The following HRH1 variants were observed in gnomAD, a reference collection of about 807,000 sequenced individuals.
HRH1 encodes the protein histamine H1 receptor.
In HRH1, 6 loss-of-function variants were observed where a neutral mutation model predicts 10.3. That is an observed-to-expected ratio of 0.58 (90% CI 0.32 to 1.15). HRH1 has a LOEUF of 1.15. Among genes scored for constraint, HRH1 ranks in the 50% most tolerant of loss-of-function variants. The pLI is 0.05. For missense variants in HRH1, 514 were observed against 615.3 expected (o/e 0.84, Z 1.74); for synonymous variants, 242 against 236.7 (o/e 1.02, Z -0.21).
At chr3:11,172,720 T>TTTTTTTTTTTA (rs58975059) in intron 1 of HRH1, among the ~76,000 whole-genome samples, 2 of 148,166 alleles carry the variant, frequency 1.3e-5, no homozygotes, top group African/African-American at 2.6e-5. Context: ...TTTTTTTTTT[T>TTTTTTTTTTTA]GAGATGGAGT....
chr3:11,246,815 G>T (rs371859374), intron 1 of HRH1, among the ~76,000 whole-genome samples: 68 of 152,158 alleles, frequency 4.5e-4, no homozygotes, highest in African/African-American at 1.6e-3. Context: ...GGAGGCTTAG[G>T]AGGGCAGATG....
intron 1 of HRH1, among the ~76,000 whole-genome samples, chr3:11,184,965 G>A (rs112902658): frequency 0.012 from 1,781 of 151,300 alleles, 15 homozygotes; most frequent in Non-Finnish European, 0.019. Context: ...AGGCTCAGTG[G>A]ACATGGGGTT....
chr3:11,254,281 T>C (rs559338466), intron 1 of HRH1, among the ~76,000 whole-genome samples: 208 of 152,288 alleles, frequency 1.4e-3, no homozygotes, highest in African/African-American at 4.8e-3. Flanking sequence ...GCTTTATCCT[T>C]CTCCATATGC....
intron 1 of HRH1, among the ~76,000 whole-genome samples, chr3:11,201,830 G>A (rs1461598865): frequency 6.6e-6 from 1 of 152,200 alleles, no homozygotes; most frequent in Non-Finnish European, 1.5e-5. Flanking sequence ...GCCCCTCTCT[G>A]TGAAGTCCAG....
At chr3:11,149,805 T>G (rs1936560606), upstream of HRH1, among the ~76,000 whole-genome samples, 1 of 152,232 alleles carries the variant, frequency 6.6e-6, no homozygotes, top group South Asian at 2.1e-4. Context: ...GCTCAAAGAC[T>G]GTATCCATAC....
intron 1 of HRH1, among the ~76,000 whole-genome samples, chr3:11,191,456 G>A (rs1046284166): frequency 6.6e-6 from 1 of 152,164 alleles, no homozygotes; most frequent in Non-Finnish European, 1.5e-5. Flanking sequence ...GGAGCTTCAG[G>A]TGTTAGTGGA....
rs544549153 is a variant in HRH1 at position 11,146,283 on chromosome 3, T to C, written c.-36+8884T>C. On this transcript the variant is annotated intron_variant, in intron 1 of 1. Coordinates refer to the HRH1 transcript ENST00000438284. ...CATGGAAGGAGGTCATTGGGGTTAA[T>C]TTTCATTCTTGATGATTTCTGTTAC... is the stretch of plus-strand genomic sequence containing the variant. Among the ~76,000 whole-genome samples the C allele has an allele frequency of 4.9e-4, 75 of 152,324 alleles. 1 individual carries two copies. Among genetic ancestry groups the C allele is most frequent in the East Asian group, 2.5e-3 (13 of 5,188 alleles).
intron 1 of HRH1, among the ~76,000 whole-genome samples, chr3:11,210,477 A>C (rs1441680320): frequency 6.6e-6 from 1 of 152,162 alleles, no homozygotes; most frequent in Non-Finnish European, 1.5e-5. Context: ...GTGTACACCC[A>C]GTACATAGTA....
intron 1 of HRH1, among the ~76,000 whole-genome samples, chr3:11,167,290 A>G (rs1937063763): frequency 6.9e-6 from 1 of 145,422 alleles, no homozygotes; most frequent in Non-Finnish European, 1.5e-5. Flanking sequence ...TGCATTCTCC[A>G]GGCCCGTGAC....
chr3:11,254,867 G>C (rs1171603017), intron 1 of HRH1, among the ~76,000 whole-genome samples: 1 of 152,232 alleles, frequency 6.6e-6, no homozygotes, highest in Non-Finnish European at 1.5e-5. Context: ...TAGGGCAGGG[G>C]TTTTTAATCC....
At chr3:11,157,226 C>T (rs1230473805) in intron 1 of HRH1, among the ~76,000 whole-genome samples, 1 of 152,094 alleles carries the variant, frequency 6.6e-6, no homozygotes, top group Admixed American at 6.5e-5. Context: ...TGCAAAATGG[C>T]CATTCGTTCG....
chr3:11,246,005 C>CACAGAT (rs71626310), intron 1 of HRH1, among the ~76,000 whole-genome samples: 1 of 151,002 alleles, frequency 6.6e-6, no homozygotes, highest in Non-Finnish European at 1.5e-5. Context: ...CACACTTACA[C>CACAGAT]ATACACACAT....
intron 1 of HRH1, among the ~76,000 whole-genome samples, chr3:11,204,347 T>C (rs1938039390): frequency 1.3e-5 from 2 of 152,192 alleles, no homozygotes; most frequent in African/African-American, 2.4e-5. Flanking sequence ...GAGTTTATTC[T>C]GGGGCTAGGG....
chr3:11,157,526 A>G (rs1371469572), intron 1 of HRH1, among the ~76,000 whole-genome samples: 1 of 152,166 alleles, frequency 6.6e-6, no homozygotes, highest in Non-Finnish European at 1.5e-5. Context: ...CCCATATCTC[A>G]TTTATAAGTG....
At chr3:11,142,882 C>G (rs1936319839) in intron 1 of HRH1, among the ~76,000 whole-genome samples, 1 of 151,978 alleles carries the variant, frequency 6.6e-6, no homozygotes, top group South Asian at 2.1e-4. Context: ...CCACTGCACT[C>G]CAGCCTGGGC....
chr3:11,191,371 G>A (rs1315979447), intron 1 of HRH1, among the ~76,000 whole-genome samples: 1 of 152,142 alleles, frequency 6.6e-6, no homozygotes, highest in African/African-American at 2.4e-5. Context: ...CTTAGCGAAG[G>A]AAATGTCTGG....
intron 1 of HRH1, among the ~76,000 whole-genome samples, chr3:11,143,889 T>C (rs1936348382): frequency 6.6e-6 from 1 of 152,162 alleles, no homozygotes; most frequent in Admixed American, 6.5e-5. Context: ...CCAAAATGCA[T>C]GTCCTCCATG....
chr3:11,145,583 A>G (rs1200310140), intron 1 of HRH1, among the ~76,000 whole-genome samples: 3 of 152,104 alleles, frequency 2.0e-5, no homozygotes, highest in Middle Eastern at 3.2e-3. Flanking sequence ...TTTAAGGAAA[A>G]TGAGATTTTT....
chr3:11,195,481 C>G (rs553603602), intron 1 of HRH1, among the ~76,000 whole-genome samples: 1 of 152,298 alleles, frequency 6.6e-6, no homozygotes, highest in East Asian at 1.9e-4. Context: ...CTGGAAGTTC[C>G]CTCCACTTCA....
Sources: allele counts gnomAD v4.1 joint callset (sites outside exome capture counted in the v4.1 genomes callset), GRCh38; gene constraint gnomAD v4.1.1; transcripts MANE v1.5; gene names NCBI Gene and HGNC (gene_info 2026-07-23, HGNC 2026-07-21).